The following ABCA5 variants were observed in gnomAD, a reference collection of about 807,000 sequenced individuals.
The protein encoded by ABCA5 is cholesterol transporter ABCA5.
A neutral mutation model predicts 206.0 loss-of-function variants in ABCA5; 163 were observed. The observed-to-expected ratio is 0.79, with a 90% CI of 0.70 to 0.90. The LOEUF is 0.90. Ranked by LOEUF, ABCA5 falls within the 40% of genes least tolerant of loss-of-function variation. The pLI is 0.00. For synonymous variants in ABCA5, 609 were observed against 613.8 expected (o/e 0.99, Z 0.11); for missense variants, 1,859 against 1,912.9 (o/e 0.97, Z 0.53).
At chr17:69,250,088 T>A in intron 36 of ABCA5, 104 bp from the exon 37 acceptor site, 1 of 735,932 alleles carries the variant, frequency 1.4e-6, no homozygotes, top group Non-Finnish European at 2.0e-6. Flanking sequence ...TTCAATAACT[T>A]ATTTTGGTAT....
intron 1 of ABCA5, chr17:69,314,639 C>A: frequency 2.3e-6 from 1 of 429,892 alleles, no homozygotes; most frequent in Non-Finnish European, 4.1e-6. Flanking sequence ...ATAGGGTAGA[C>A]CAGAATTTGA....
Position 69,277,696 on chromosome 17 carries a change from T to C in ABCA5, c.2539A>G (p.Ile847Val), listed in dbSNP as rs1292089451. ...AAGGTAAAGAAATGAAACTTTGCTA[T>C]TGTATACATCTGTTGTTTCCAAAGG... Reference protein sequence around the residue: ...MSLWKQQMYTIAKFHFFTLKR... With the variant: ...MSLWKQQMYTVAKFHFFTLKR... Residue 847 changes from isoleucine to valine, a missense_variant, in exon 19 of 39, where the codon ATA becomes GTA. Coordinates refer to ENST00000392676, the MANE Select transcript of ABCA5 (RefSeq NM_172232.4). 3 of 1,611,496 alleles carry C rather than the reference T, an allele frequency of 1.9e-6. No homozygotes were observed. Among genetic ancestry groups the C allele is most frequent in the Non-Finnish European group, 1.7e-6 (2 of 1,179,304 alleles).
intron 19 of ABCA5, among the ~76,000 whole-genome samples, chr17:69,277,188 G>T (rs1325729040): frequency 6.6e-6 from 1 of 152,072 alleles, no homozygotes. Flanking sequence ...AGGATAAATA[G>T]AGGTAAAACT....
At chr17:69,309,040 T>G (rs34985085) in intron 4 of ABCA5, among the ~76,000 whole-genome samples, 59,938 of 151,842 alleles carry the variant, frequency 0.39, 12,719 homozygotes, top group South Asian at 0.52. Flanking sequence ...TATATATAAA[T>G]GTATTAAATC....
At chr17:69,274,156 T>C in intron 19 of ABCA5, 28 bp from the exon 20 acceptor site, 1 of 1,543,016 alleles carries the variant, frequency 6.5e-7, no homozygotes, top group East Asian at 2.3e-5. Context: ...ACAACACAGC[T>C]CAGGGTACAA....
intron 9 of ABCA5, 38 bp downstream of exon 9, chr17:69,301,101 A>C (rs770957370): frequency 3.4e-6 from 5 of 1,488,154 alleles, no homozygotes; most frequent in South Asian, 2.9e-5. Flanking sequence ...AAAAAGCCTA[A>C]AAATCTTTAA....
chr17:69,289,103 T>C (rs762535458), intron 14 of ABCA5, 74 bp downstream of exon 14: 10 of 1,443,984 alleles, frequency 6.9e-6, no homozygotes, highest in South Asian at 2.7e-5. Context: ...TAATGTATTA[T>C]ATCTTTCTAC....
Position 69,246,021 on chromosome 17 carries a change from T to C in ABCA5, c.*1516A>G, listed in dbSNP as rs2074946042. The C allele has an allele frequency of 6.6e-6, 1 of 152,034 alleles. No homozygotes were observed. Among genetic ancestry groups the C allele is most frequent in the South Asian group, 2.1e-4 (1 of 4,834 alleles). The allele number at this position is 152,034 out of a possible 1,614,324, so 9.4% of individuals were successfully genotyped here. Reference sequence around the variant, plus strand: ...CAAAAAAGAGGTCCCTGGGTATTTATGTGAACATTATATATACTTTAGGAA... The same window carrying C: ...CAAAAAAGAGGTCCCTGGGTATTTACGTGAACATTATATATACTTTAGGAA... On this transcript the variant is annotated 3_prime_UTR_variant, in exon 39 of 39. Coordinates refer to ENST00000392676, the MANE Select transcript of ABCA5 (RefSeq NM_172232.4).
chr17:69,249,571 C>A, intron 37 of ABCA5: 1 of 261,596 alleles, frequency 3.8e-6, no homozygotes, highest in Non-Finnish European at 7.2e-6. Context: ...TGACCCTTCT[C>A]ATAGATGCAA....
In ABCA5 at chr17:69,255,524, A is replaced by T. The variant is rs376384681; in HGVS notation, c.4068+19T>A. On this transcript the variant is annotated intron_variant, in intron 31 of 38. Transcript: ENST00000392676. Reference sequence around the variant, plus strand: ...ATATAAATCACATTCAACATATCCTATACTCTTATATATCATACCTGGCCT... The same window carrying T: ...ATATAAATCACATTCAACATATCCTTTACTCTTATATATCATACCTGGCCT... 1.9e-5 allele frequency: 27 copies of T among 1,425,520 alleles called. No individual in the cohort carries two copies. The highest frequency in any genetic ancestry group is 2.4e-5 in the Non-Finnish European group (25 of 1,063,552). The allele number at this position is 1,425,520 out of a possible 1,614,324, so 88.3% of individuals were successfully genotyped here.
At position 69,248,253 on chromosome 17, in the gene ABCA5, T is replaced by G; in HGVS notation, c.4821+9A>C. 6.6e-7 allele frequency: 1 copy of G among 1,507,190 alleles called. No homozygotes were observed. The highest frequency in any genetic ancestry group is 1.2e-5 in the South Asian group (1 of 82,502). 93.4% of individuals were successfully genotyped at this position (1,507,190 alleles called of 1,614,324 possible). A position where few individuals can be genotyped will look rare whatever the true frequency, so the allele number is the denominator to read the frequency against. On this transcript the variant is annotated intron_variant, in intron 38 of 38. Coordinates refer to ENST00000392676, the MANE Select transcript of ABCA5 (RefSeq NM_172232.4). Reference sequence around the variant, plus strand: ...TAAAATAATTTTTAAAAATTTAACTTTATAGTACCTGTTCCAATGTTGCTT... The same window carrying G: ...TAAAATAATTTTTAAAAATTTAACTGTATAGTACCTGTTCCAATGTTGCTT...
rs2075428778 is a variant in ABCA5 at position 69,284,380 on chromosome 17, A to C, written c.2273-308T>G. Among the ~76,000 whole-genome samples, 3 of 151,970 alleles carry C rather than the reference A, an allele frequency of 2.0e-5. No homozygotes were observed. The South Asian group carries it at 6.2e-4, about 32-fold the overall frequency. On this transcript the variant is annotated intron_variant, in intron 17 of 38. Coordinates refer to ENST00000392676, the MANE Select transcript of ABCA5 (RefSeq NM_172232.4). ...TCTTATAAATTAAGGACCTCAAAGAAATTTTATATATGGGAATATATCTAT... is the reference window on the plus strand; with the variant it reads ...TCTTATAAATTAAGGACCTCAAAGACATTTTATATATGGGAATATATCTAT...
intron 1 of ABCA5, among the ~76,000 whole-genome samples, chr17:69,319,374 T>C (rs1218234652): frequency 6.6e-6 from 1 of 152,226 alleles, no homozygotes; most frequent in Non-Finnish European, 1.5e-5. Flanking sequence ...ACAGAATTTT[T>C]TGTTTTTTTG....
At chr17:69,283,083 C>T (rs1318240780) in intron 18 of ABCA5, among the ~76,000 whole-genome samples, 2 of 149,996 alleles carry the variant, frequency 1.3e-5, no homozygotes, top group Admixed American at 6.7e-5. Flanking sequence ...ACCTCCTGGC[C>T]TCAGGTGATT....
chr17:69,302,745 GTGACAGAAAGGAC>G lies in ABCA5; in HGVS notation c.1079_1091del (p.Ser360ThrfsTer5). 1.3e-6 allele frequency: 2 copies of G among 1,581,672 alleles called. No individual in the cohort carries two copies. Among genetic ancestry groups the G allele is most frequent in the Non-Finnish European group, 1.7e-6 (2 of 1,171,104 alleles). ...GTGCAATACCAATCACAAAAGTACA[GTGACAGAAAGGAC>G]TGAAAAGCCACACTAACGATTTGGG... On this transcript the variant is annotated frameshift_variant, in exon 8 of 39. Coordinates refer to ENST00000392676, the MANE Select transcript of ABCA5 (RefSeq NM_172232.4). LOFTEE classifies it high-confidence loss of function.
At chr17:69,283,923 C>T (rs756797134) in intron 18 of ABCA5, 30 bp downstream of exon 18, 1 of 1,594,886 alleles carries the variant, frequency 6.3e-7, no homozygotes, top group South Asian at 1.1e-5. Flanking sequence ...TGATTCATTG[C>T]CTAAAATGTT....
At chr17:69,315,420 C>T (rs2075806367) in intron 1 of ABCA5, 1 of 152,216 alleles carries the variant, frequency 6.6e-6, no homozygotes, top group African/African-American at 2.4e-5. Context: ...AAAATATCAA[C>T]ATTTTCTGTA....
Position 69,267,935 on chromosome 17 carries a change from G to A in ABCA5, c.3144+8C>T, listed in dbSNP as rs1567757295. 2.0e-6 allele frequency: 3 copies of A among 1,526,556 alleles called. No homozygotes were observed. The highest frequency in any genetic ancestry group is 2.7e-6 in the Non-Finnish European group (3 of 1,103,430). 94.6% of individuals were successfully genotyped at this position (1,526,556 alleles called of 1,614,324 possible). ...TAGCAAATTATATATTTTTAACTGAGTCATTACCTTATGATTCTCTGCATT... is the reference window on the plus strand; with the variant it reads ...TAGCAAATTATATATTTTTAACTGAATCATTACCTTATGATTCTCTGCATT... On this transcript the variant is annotated splice_region_variant and intron_variant, in intron 23 of 38. Transcript: ENST00000392676.
intron 8 of ABCA5, among the ~76,000 whole-genome samples, chr17:69,302,022 A>G (rs896658164): frequency 7.2e-5 from 11 of 152,184 alleles, no homozygotes; most frequent in African/African-American, 2.2e-4. Context: ...CTCAGGTCTC[A>G]AAAAAGTAAA....
Sources: gnomAD v4.1 joint callset for allele counts (sites outside exome capture counted in the v4.1 genomes callset) on GRCh38, gnomAD v4.1.1 for gene constraint, MANE v1.5 for transcripts, NCBI Gene and HGNC (gene_info 2026-07-23, HGNC 2026-07-21) for gene names.